LINGO2: variants seen among roughly 807,000 people sequenced by gnomAD.
LINGO2 encodes the protein leucine-rich repeat and immunoglobulin-like domain-containing nogo receptor-interacting protein 2.
A neutral mutation model predicts 30.6 loss-of-function variants in LINGO2; 14 were observed. The observed-to-expected ratio is 0.46, with a 90% CI of 0.30 to 0.72. The LOEUF (loss-of-function observed/expected upper bound fraction) is 0.72, where lower values mean the gene tolerates loss of function less well. Among genes scored for constraint, LINGO2 ranks in the 30% least tolerant of loss-of-function variants. The pLI, the probability that LINGO2 is intolerant of heterozygous loss-of-function variation, is 0.07. For synonymous variants in LINGO2, 317 were observed against 288.5 expected, an observed-to-expected ratio of 1.10 and a Z score of -1.00; for missense variants, 729 against 751.7, an observed-to-expected ratio of 0.97 and a Z score of 0.35.
the LINGO2 span, among the ~76,000 whole-genome samples, chr9:28,804,143 C>G: frequency 4.6e-5 from 7 of 151,976 alleles, no homozygotes; most frequent in East Asian, 1.3e-3. Context: ...TGTCAGTTCC[C>G]CAGCCTTCCC....
chr9:28,057,499 G>C (rs1033208823), intron 4 of LINGO2, among the ~76,000 whole-genome samples: 1 of 113,008 alleles, frequency 8.8e-6, no homozygotes, highest in Non-Finnish European at 2.0e-5. Context: ...CTTTCCAGTT[G>C]TGAATGTATG....
chr9:28,853,692 G>C, the LINGO2 span, among the ~76,000 whole-genome samples: 2 of 152,050 alleles, frequency 1.3e-5, no homozygotes, highest in Admixed American at 6.6e-5. Context: ...AAGGTGGCAG[G>C]AGTGAGAATT....
chr9:28,080,287 C>T (rs1177174587), intron 4 of LINGO2, among the ~76,000 whole-genome samples: 3 of 152,166 alleles, frequency 2.0e-5, no homozygotes, highest in African/African-American at 7.2e-5. Flanking sequence ...GGCATATGAC[C>T]TCCTACCTGA....
At chr9:28,255,982 G>C (rs1288323433) in intron 4 of LINGO2, among the ~76,000 whole-genome samples, 2 of 152,018 alleles carry the variant, frequency 1.3e-5, no homozygotes, top group African/African-American at 4.8e-5. Context: ...TGAATCTGCA[G>C]AAATTGTTTG....
chr9:28,574,102 AAT>A (rs1823836685), intron 1 of LINGO2, among the ~76,000 whole-genome samples: 1 of 152,202 alleles, frequency 6.6e-6, no homozygotes. Flanking sequence ...GAAAGAATGT[AAT>A]GTAACTTTCA....
intron 5 of LINGO2, among the ~76,000 whole-genome samples, chr9:27,994,479 G>T (rs1053391207): frequency 2.0e-5 from 3 of 152,188 alleles, no homozygotes; most frequent in East Asian, 1.9e-4. Flanking sequence ...TGAGAAAAGG[G>T]AGGTCTGGGA....
intron 4 of LINGO2, among the ~76,000 whole-genome samples, chr9:28,038,577 C>T (rs1824053107): frequency 6.6e-6 from 1 of 151,872 alleles, no homozygotes; most frequent in Non-Finnish European, 1.5e-5. Context: ...CCTGTAGTCC[C>T]AGCTACTTGG....
intron 4 of LINGO2, among the ~76,000 whole-genome samples, chr9:28,275,405 A>T (rs542733219): frequency 6.6e-6 from 1 of 151,888 alleles, no homozygotes; most frequent in South Asian, 2.1e-4. Context: ...ACCAAGTCAA[A>T]CCTAATCACT....
At chr9:28,616,249 C>T (rs531818651) in intron 1 of LINGO2, among the ~76,000 whole-genome samples, 1 of 152,020 alleles carries the variant, frequency 6.6e-6, no homozygotes, top group Non-Finnish European at 1.5e-5. Context: ...CGTATAGTTA[C>T]CAAAATATAC....
At chr9:28,863,796 A>G in the LINGO2 span, 5 of 347,986 alleles carry the variant, frequency 1.4e-5, no homozygotes, top group East Asian at 7.1e-5. Context: ...TCTAGTTCAC[A>G]ATCAATTGAA....
the LINGO2 span, among the ~76,000 whole-genome samples, chr9:28,796,136 C>T: frequency 6.6e-6 from 1 of 151,656 alleles, no homozygotes; most frequent in African/African-American, 2.4e-5. Context: ...AGAGAGCTGT[C>T]ACTGTATTTG....
chr9:28,603,190 A>G (rs2135753939), intron 1 of LINGO2, among the ~76,000 whole-genome samples: 1 of 152,206 alleles, frequency 6.6e-6, no homozygotes, highest in East Asian at 1.9e-4. Context: ...GATCCTCTAC[A>G]GCAAGTTCAC....
chr9:28,098,164 G>A lies in LINGO2; in HGVS notation c.-86-85759C>T, dbSNP rs1253725267. On this transcript the variant is annotated intron_variant, in intron 4 of 5. Coordinates refer to ENST00000379992, the Ensembl canonical transcript of LINGO2. The stretch of plus-strand genomic sequence containing the variant: ...TACTGAAAATACAAAAATTAGCTGG[G>A]TGTGGTGGCATCCACCTGTGGTCCC... 2.0e-5 allele frequency among the ~76,000 whole-genome samples: 3 copies of A among 152,072 alleles called. No homozygotes were observed. The East Asian group carries it at 5.8e-4, about 29-fold the overall frequency.
At chr9:28,654,483 G>T (rs1441193986) in intron 1 of LINGO2, among the ~76,000 whole-genome samples, 1 of 129,536 alleles carries the variant, frequency 7.7e-6, no homozygotes, top group African/African-American at 3.4e-5. Flanking sequence ...GAATTGGATT[G>T]ATTGAGTATC....
At chr9:28,995,145 T>G in the LINGO2 span, among the ~76,000 whole-genome samples, 1 of 152,142 alleles carries the variant, frequency 6.6e-6, no homozygotes, top group Non-Finnish European at 1.5e-5. Flanking sequence ...ATATCCAGAA[T>G]CTACAATGAA....
intron 5 of LINGO2, among the ~76,000 whole-genome samples, chr9:27,979,047 T>C (rs1820734578): frequency 6.6e-6 from 1 of 152,026 alleles, no homozygotes; most frequent in African/African-American, 2.4e-5. Flanking sequence ...GAATTGGAAT[T>C]TGAACATTGG....
intron 1 of LINGO2, among the ~76,000 whole-genome samples, chr9:28,552,632 G>A (rs1389177308): frequency 1.3e-5 from 2 of 150,968 alleles, no homozygotes; most frequent in Non-Finnish European, 2.9e-5. Flanking sequence ...TCCATTCTGG[G>A]AACTTTTTAT....
intron 4 of LINGO2, among the ~76,000 whole-genome samples, chr9:28,022,176 G>A (rs73441751): frequency 0.12 from 17,673 of 151,832 alleles, 1,131 homozygotes; most frequent in South Asian, 0.21. Context: ...CACTAATAAA[G>A]TCCAATTTCA....
intron 1 of LINGO2, among the ~76,000 whole-genome samples, chr9:28,612,935 C>T (rs1825981137): frequency 6.6e-6 from 1 of 151,990 alleles, no homozygotes; most frequent in South Asian, 2.1e-4. Context: ...AGGGAGAGAC[C>T]AGGTGGAGAT....
Sources: gnomAD v4.1 joint callset for allele counts (sites outside exome capture counted in the v4.1 genomes callset) on GRCh38, gnomAD v4.1.1 for gene constraint, MANE v1.5 for transcripts, NCBI Gene and HGNC (gene_info 2026-07-23, HGNC 2026-07-21) for gene names.